The following RBBP8 variants were observed in gnomAD, a reference collection of about 807,000 sequenced individuals.
The protein encoded by RBBP8 is RB binding protein 8, endonuclease.
A neutral mutation model predicts 108.3 loss-of-function variants in RBBP8; 88 were observed. The ratio of observed to expected loss-of-function variants is 0.81; its 90% CI spans 0.68 to 0.97. RBBP8 has a LOEUF of 0.97. Ranked by LOEUF, RBBP8 falls within the 50% of genes least tolerant of loss-of-function variation. The pLI, the probability that RBBP8 is intolerant of heterozygous loss-of-function variation, is 0.00. For synonymous variants in RBBP8, 332 were observed against 348.2 expected (o/e 0.95, Z 0.52); for missense variants, 1,023 against 1,049.0 (o/e 0.98, Z 0.34).
At chr18:22,916,147 A>T (rs1909347087) in intron 2 of RBBP8, among the ~76,000 whole-genome samples, 1 of 152,122 alleles carries the variant, frequency 6.6e-6, no homozygotes, top group African/African-American at 2.4e-5. Context: ...TATTCCACTC[A>T]TTTAAAATTT....
At chr18:22,992,705 C>A in intron 10 of RBBP8, 43 bp from the exon 11 acceptor site, 1 of 1,510,566 alleles carries the variant, frequency 6.6e-7, no homozygotes, top group Non-Finnish European at 9.2e-7. Context: ...TAAGACCTTA[C>A]TATTAATTCT....
At chr18:22,994,220 T>C (rs1355527216) in intron 12 of RBBP8, among the ~76,000 whole-genome samples, 1 of 148,820 alleles carries the variant, frequency 6.7e-6, no homozygotes, top group Non-Finnish European at 1.5e-5. Context: ...AGACGGGGTT[T>C]CACCACATTA....
intron 16 of RBBP8, among the ~76,000 whole-genome samples, chr18:23,010,598 C>CA (rs1284247283): frequency 5.3e-4 from 71 of 134,392 alleles, no homozygotes; most frequent in Non-Finnish European, 6.5e-4. Flanking sequence ...ACCCTGTCTC[C>CA]AAAAAAAAAA....
intron 5 of RBBP8, among the ~76,000 whole-genome samples, chr18:22,973,980 T>TA (rs1914317613): frequency 6.6e-6 from 1 of 152,248 alleles, no homozygotes; most frequent in Admixed American, 6.5e-5. Context: ...ATCTTAATTT[T>TA]TTTGGATCCT....
chr18:22,959,674 A>G (rs1912897756), intron 4 of RBBP8, among the ~76,000 whole-genome samples: 1 of 151,774 alleles, frequency 6.6e-6, no homozygotes, highest in South Asian at 2.1e-4. Context: ...TCACGTACGT[A>G]ATATCCAAGA....
intron 8 of RBBP8, among the ~76,000 whole-genome samples, chr18:22,986,179 A>C (rs1432005356): frequency 6.6e-6 from 1 of 152,112 alleles, no homozygotes; most frequent in Admixed American, 6.6e-5. Flanking sequence ...TGCGAAAATG[A>C]GTAGGAACCA....
chr18:22,951,465 AG>A (rs1411608931), intron 4 of RBBP8, among the ~76,000 whole-genome samples: 3 of 152,096 alleles, frequency 2.0e-5, no homozygotes, highest in Non-Finnish European at 1.5e-5. Context: ...GGATCTGTGT[AG>A]AAAAAAAAAC....
intron 17 of RBBP8, among the ~76,000 whole-genome samples, chr18:23,018,641 TTGTTATAC>T (rs1050002450): frequency 6.6e-6 from 1 of 152,152 alleles, no homozygotes; most frequent in African/African-American, 2.4e-5. Context: ...TTGTAAATAG[TTGTTATAC>T]TGTATTGTAT....
At chr18:22,962,634 G>A (rs1469734680) in intron 4 of RBBP8, among the ~76,000 whole-genome samples, 1 of 151,480 alleles carries the variant, frequency 6.6e-6, no homozygotes, top group East Asian at 1.9e-4. Flanking sequence ...TTGGCTCACT[G>A]CAACCTCCAC....
intron 3 of RBBP8, among the ~76,000 whole-genome samples, chr18:22,948,708 G>A (rs1911777297): frequency 6.6e-6 from 1 of 152,058 alleles, no homozygotes; most frequent in Non-Finnish European, 1.5e-5. Context: ...AGACTGATTT[G>A]CCACTCTTAA....
chr18:22,953,206 C>T (rs1598655934), intron 4 of RBBP8, among the ~76,000 whole-genome samples: 1 of 152,280 alleles, frequency 6.6e-6, no homozygotes, highest in East Asian at 1.9e-4. Flanking sequence ...CCATAGTTGC[C>T]CTGCTTTCCT....
At chr18:22,939,992 G>A (rs1319943984) in intron 2 of RBBP8, among the ~76,000 whole-genome samples, 1 of 150,920 alleles carries the variant, frequency 6.6e-6, no homozygotes, top group Non-Finnish European at 1.5e-5. Flanking sequence ...TTTTATTCAA[G>A]GAACTCTGGA....
chr18:22,961,562 G>T (rs772299576), intron 4 of RBBP8, among the ~76,000 whole-genome samples: 1 of 152,202 alleles, frequency 6.6e-6, no homozygotes, highest in Non-Finnish European at 1.5e-5. Context: ...TCTAAAGCAA[G>T]CTTGTCTAAC....
Position 22,993,093 on chromosome 18 carries a change from T to C in RBBP8, c.1266T>C (p.Thr422=). 1 of 1,613,988 alleles carries C rather than the reference T, an allele frequency of 6.2e-7. No homozygotes were observed. The highest frequency in any genetic ancestry group is 8.5e-7 in the Non-Finnish European group (1 of 1,179,888). The change falls in exon 11 of 19, where the codon ACT becomes ACC. Residue 422 remains threonine (T), a synonymous_variant. Coordinates refer to ENST00000327155, the MANE Select transcript of RBBP8 (RefSeq NM_002894.3). Reference sequence around the variant, plus strand: ...AATCCCTAGGTGAACAGAATAGGACTGAGTACGGTAAAGATTCTAACACTG... The same window carrying C: ...AATCCCTAGGTGAACAGAATAGGACCGAGTACGGTAAAGATTCTAACACTG... ...ISESLGEQNR[T]EYGKDSNTDK... is the part of the protein sequence containing the mutation.
intron 4 of RBBP8, among the ~76,000 whole-genome samples, chr18:22,967,295 G>A (rs1913689752): frequency 6.6e-6 from 1 of 151,540 alleles, no homozygotes; most frequent in Non-Finnish European, 1.5e-5. Context: ...GAACCCAGGA[G>A]GCGGAGCTTG....
chr18:22,918,957 A>T (rs1909475274), intron 3 of RBBP8, among the ~76,000 whole-genome samples: 1 of 152,154 alleles, frequency 6.6e-6, no homozygotes, highest in Non-Finnish European at 1.5e-5. Context: ...TTTCTCCTAC[A>T]AAAAAATTCC....
chr18:23,025,369 C>T (rs1204654249), intron 18 of RBBP8, among the ~76,000 whole-genome samples: 1 of 152,182 alleles, frequency 6.6e-6, no homozygotes, highest in Non-Finnish European at 1.5e-5. Flanking sequence ...GGAGACGCTC[C>T]AGATGTTTAA....
At chr18:22,955,196 T>TAC in intron 4 of RBBP8, among the ~76,000 whole-genome samples, 1 of 152,196 alleles carries the variant, frequency 6.6e-6, no homozygotes, top group Admixed American at 6.5e-5. Context: ...CATCCTCAGG[T>TAC]ACATGGGCCT....
At chr18:22,920,916 C>T (rs1299559947) in intron 3 of RBBP8, 9 of 152,198 alleles carry the variant, frequency 5.9e-5, no homozygotes, top group Non-Finnish European at 7.3e-5. Flanking sequence ...TCAAATCTAA[C>T]CCATTAACAT....
Sources: gnomAD v4.1 joint callset for allele counts (sites outside exome capture counted in the v4.1 genomes callset) on GRCh38, gnomAD v4.1.1 for gene constraint, MANE v1.5 for transcripts, NCBI Gene and HGNC (gene_info 2026-07-23, HGNC 2026-07-21) for gene names.